Variants in PCDH15 observed in about 807,000 individuals in gnomAD.
The protein encoded by PCDH15 is protocadherin related 15.
In PCDH15, 129 loss-of-function variants were observed where a neutral mutation model predicts 178.5. That is an observed-to-expected ratio of 0.72 (90% CI 0.63 to 0.84). PCDH15 has a LOEUF of 0.84. Among genes scored for constraint, PCDH15 ranks in the 40% least tolerant of loss-of-function variants. The pLI is 0.00. For missense variants in PCDH15, 2,230 were observed against 2,099.9 expected, an observed-to-expected ratio of 1.06 and a Z score of -1.21; for synonymous variants, 800 against 732.0, an observed-to-expected ratio of 1.09 and a Z score of -1.50.
chr10:54,261,422 T>C (rs1368955434), intron 8 of PCDH15, among the ~76,000 whole-genome samples: 3 of 151,956 alleles, frequency 2.0e-5, no homozygotes, highest in East Asian at 1.9e-4. Flanking sequence ...AAAAAGCATA[T>C]TGCTAATTGA....
intron 23 of PCDH15, among the ~76,000 whole-genome samples, chr10:53,959,450 A>G (rs1372021010): frequency 6.6e-6 from 1 of 152,054 alleles, no homozygotes; most frequent in Non-Finnish European, 1.5e-5. Flanking sequence ...TCAGATCATT[A>G]ATTAGAATTG....
chr10:54,546,234 G>A (rs1392519638), intron 2 of PCDH15, among the ~76,000 whole-genome samples: 3 of 152,084 alleles, frequency 2.0e-5, no homozygotes, highest in African/African-American at 7.2e-5. Context: ...AGGCTACCTG[G>A]ATTCTATGAA....
chr10:53,877,147 C>CT (rs2133286662), intron 26 of PCDH15, among the ~76,000 whole-genome samples: 1 of 151,990 alleles, frequency 6.6e-6, no homozygotes, highest in African/African-American at 2.4e-5. Context: ...TTGAAGTTTC[C>CT]TTTTTTATTT....
chr10:54,739,397 G>A (rs1229908718), intron 1 of PCDH15, among the ~76,000 whole-genome samples: 1 of 151,712 alleles, frequency 6.6e-6, no homozygotes, highest in East Asian at 1.9e-4. Flanking sequence ...TGGAAAACTG[G>A]AAAAGATTGA....
At chr10:55,154,120 T>A (rs1180556848) in intron 2 of PCDH15, among the ~76,000 whole-genome samples, 1 of 152,122 alleles carries the variant, frequency 6.6e-6, no homozygotes, top group Admixed American at 6.6e-5. Flanking sequence ...GTACATTATT[T>A]GTACATATAT....
intron 3 of PCDH15, among the ~76,000 whole-genome samples, chr10:54,432,492 T>G (rs1957082984): frequency 6.6e-6 from 1 of 152,130 alleles, no homozygotes; most frequent in Admixed American, 6.5e-5. Flanking sequence ...GATAGTCTCT[T>G]TAAAATATGG....
intron 3 of PCDH15, among the ~76,000 whole-genome samples, chr10:54,846,338 G>T (rs943113667): frequency 6.6e-6 from 1 of 152,266 alleles, no homozygotes; most frequent in Admixed American, 6.5e-5. Context: ...ACCCATGTGT[G>T]TGGCCACTTC....
chr10:55,562,796 G>A (rs1447630729), intron 2 of PCDH15, among the ~76,000 whole-genome samples: 1 of 151,950 alleles, frequency 6.6e-6, no homozygotes, highest in Non-Finnish European at 1.5e-5. Flanking sequence ...GTCATTCACG[G>A]AAACATTGTG....
At chr10:55,547,090 G>T (rs1000069124) in intron 2 of PCDH15, among the ~76,000 whole-genome samples, 5 of 152,186 alleles carry the variant, frequency 3.3e-5, no homozygotes, top group Non-Finnish European at 7.4e-5. Context: ...AGGCAGGAAT[G>T]GCCTGGCTCT....
chr10:54,086,131 C>T (rs2094512653), intron 16 of PCDH15, among the ~76,000 whole-genome samples: 1 of 152,062 alleles, frequency 6.6e-6, no homozygotes, highest in African/African-American at 2.4e-5. Flanking sequence ...CACAGTTCTA[C>T]AGGCTGTATA....
intron 3 of PCDH15, among the ~76,000 whole-genome samples, chr10:54,433,769 A>G (rs2075180548): frequency 6.6e-6 from 1 of 152,196 alleles, no homozygotes; most frequent in Non-Finnish European, 1.5e-5. Flanking sequence ...GGTGATTTTT[A>G]CATATTACAT....
intron 2 of PCDH15, among the ~76,000 whole-genome samples, chr10:55,056,437 C>G (rs1222499293): frequency 6.6e-6 from 1 of 151,798 alleles, no homozygotes; most frequent in East Asian, 1.9e-4. Flanking sequence ...TAATGAAAAT[C>G]TGCTTCTCAA....
At chr10:54,829,698 G>A (rs1391472948) in intron 3 of PCDH15, among the ~76,000 whole-genome samples, 1 of 151,964 alleles carries the variant, frequency 6.6e-6, no homozygotes, top group Non-Finnish European at 1.5e-5. Context: ...GTATCCATGT[G>A]TTTCCTAGTT....
intron 2 of PCDH15, among the ~76,000 whole-genome samples, chr10:55,408,136 T>C (rs1486968395): frequency 2.6e-5 from 4 of 152,116 alleles, no homozygotes; most frequent in South Asian, 2.1e-4. Context: ...CAGAAAGAGA[T>C]AGAAAACCAC....
intron 2 of PCDH15, among the ~76,000 whole-genome samples, chr10:55,347,172 G>T (rs1844785386): frequency 6.6e-6 from 1 of 152,000 alleles, no homozygotes; most frequent in Non-Finnish European, 1.5e-5. Flanking sequence ...ATGAGATCGT[G>T]CAACTGCACT....
intron 2 of PCDH15, among the ~76,000 whole-genome samples, chr10:55,326,652 CAGAA>C (rs954819320): frequency 1.3e-5 from 2 of 151,748 alleles, no homozygotes; most frequent in African/African-American, 2.4e-5. Context: ...AAACAGTTAA[CAGAA>C]AGAGAAATTT....
chr10:55,056,610 TTTATTATTA>T (rs60186759), intron 2 of PCDH15, among the ~76,000 whole-genome samples: 15,965 of 142,922 alleles, frequency 0.11, 1,118 homozygotes, highest in African/African-American at 0.18. Flanking sequence ...TTTATTTTGT[TTTATTATTA>T]TTATTATTAT....
chr10:53,822,646 C>A, intron 32 of PCDH15: 1 of 1,613,982 alleles, frequency 6.2e-7, no homozygotes, highest in South Asian at 1.1e-5. Context: ...GAACACTCAG[C>A]AGGAGAACTG....
chr10:55,001,886 G>T (rs1289388503), intron 2 of PCDH15, among the ~76,000 whole-genome samples: 1 of 152,152 alleles, frequency 6.6e-6, no homozygotes, highest in Non-Finnish European at 1.5e-5. Context: ...CTAAATTACT[G>T]TACTTGTATT....
Sources: allele counts gnomAD v4.1 joint callset (sites outside exome capture counted in the v4.1 genomes callset), GRCh38; gene constraint gnomAD v4.1.1; transcripts MANE v1.5; gene names NCBI Gene and HGNC (gene_info 2026-07-23, HGNC 2026-07-21).